LUZP2: variants seen among roughly 807,000 people sequenced by gnomAD.
LUZP2 encodes leucine zipper protein 2.
A neutral mutation model predicts 51.6 loss-of-function variants in LUZP2; 52 were observed. That is an observed-to-expected ratio of 1.01 (90% confidence interval 0.81 to 1.27). The LOEUF is 1.27. Ranked by LOEUF, LUZP2 falls within the 50% of genes most tolerant of loss-of-function variation. The pLI, the probability that LUZP2 is intolerant of heterozygous loss-of-function variation, is 0.00. For synonymous variants in LUZP2, 154 were observed against 137.3 expected (o/e 1.12, Z -0.85); for missense variants, 436 against 395.4 (o/e 1.10, Z -0.87).
intron 9 of LUZP2, among the ~76,000 whole-genome samples, chr11:25,032,309 C>A (rs1023262474): frequency 6.6e-6 from 1 of 152,122 alleles, no homozygotes; most frequent in South Asian, 2.1e-4. Flanking sequence ...TAAGTTGTTG[C>A]AGCAGCAGTA....
chr11:24,665,107 G>T (rs1018684009), intron 1 of LUZP2, among the ~76,000 whole-genome samples: 1 of 152,186 alleles, frequency 6.6e-6, no homozygotes, highest in Admixed American at 6.5e-5. Context: ...GGGCAGAGCT[G>T]CTCAAGACAG....
intron 3 of LUZP2, among the ~76,000 whole-genome samples, chr11:24,733,697 G>A (rs1858812196): frequency 6.6e-6 from 1 of 151,318 alleles, no homozygotes; most frequent in Non-Finnish European, 1.5e-5. Context: ...TAACTTAGAT[G>A]AAATTAGTAC....
In LUZP2 at chr11:24,905,253, C is replaced by T. The variant is rs112007340; in HGVS notation, c.397-738C>T. Among the ~76,000 whole-genome samples, 34 of 152,116 alleles carry T rather than the reference C, an allele frequency of 2.2e-4. 1 individual carries two copies. The highest frequency in any genetic ancestry group is 6.2e-4 in the South Asian group (3 of 4,804). ...AGAAACATCAGAGTAAGGCCAGGTG[C>T]GGTGGCTGATACCTGTAATCCCAGC... On this transcript the variant is annotated intron_variant, in intron 5 of 11. Coordinates refer to ENST00000336930, the MANE Select transcript of LUZP2 (RefSeq NM_001009909.4).
chr11:25,017,350 G>T (rs575875623), intron 9 of LUZP2, among the ~76,000 whole-genome samples: 21 of 152,102 alleles, frequency 1.4e-4, no homozygotes, highest in African/African-American at 4.8e-4. Flanking sequence ...TTACTACAAT[G>T]TCCAGAAGAG....
At chr11:24,661,173 C>T (rs1246058684) in intron 1 of LUZP2, among the ~76,000 whole-genome samples, 2 of 151,660 alleles carry the variant, frequency 1.3e-5, no homozygotes, top group Non-Finnish European at 2.9e-5. Flanking sequence ...TTTGAAACTT[C>T]ATGCTCTAAT....
At chr11:24,714,563 A>C (rs1467692563) in intron 1 of LUZP2, among the ~76,000 whole-genome samples, 1 of 152,154 alleles carries the variant, frequency 6.6e-6, no homozygotes, top group African/African-American at 2.4e-5. Context: ...TTTCAGAAAA[A>C]TGATAGTAAA....
intron 5 of LUZP2, among the ~76,000 whole-genome samples, chr11:24,823,456 CTT>C (rs1850423072): frequency 6.7e-6 from 1 of 150,144 alleles, no homozygotes; most frequent in African/African-American, 2.4e-5. Flanking sequence ...TAAATTTTGA[CTT>C]ATATTGAGTG....
At chr11:24,591,177 C>T (rs565703444) in intron 1 of LUZP2, among the ~76,000 whole-genome samples, 12 of 152,130 alleles carry the variant, frequency 7.9e-5, no homozygotes, top group Middle Eastern at 3.4e-3. Context: ...CATAATTGTC[C>T]GTGTTGCAAT....
chr11:24,702,128 C>G (rs950048614), intron 1 of LUZP2, among the ~76,000 whole-genome samples: 3 of 152,088 alleles, frequency 2.0e-5, no homozygotes, highest in African/African-American at 7.2e-5. Context: ...ATACACTATT[C>G]AATTGTGAAT....
At chr11:24,991,396 G>GATATATATATA (rs1856338892) in intron 9 of LUZP2, among the ~76,000 whole-genome samples, 1 of 124,964 alleles carries the variant, frequency 8.0e-6, no homozygotes, top group Non-Finnish European at 1.7e-5. Flanking sequence ...GTGTGTGTGT[G>GATATATATATA]TATATATATA....
At chr11:24,602,172 A>G (rs900191786) in intron 1 of LUZP2, among the ~76,000 whole-genome samples, 2 of 131,902 alleles carry the variant, frequency 1.5e-5, no homozygotes, top group African/African-American at 2.8e-5. Flanking sequence ...ATATGTGTAT[A>G]TATATGTGTA....
chr11:24,583,371 A>G (rs1852943338), intron 1 of LUZP2, among the ~76,000 whole-genome samples: 1 of 152,138 alleles, frequency 6.6e-6, no homozygotes, highest in Non-Finnish European at 1.5e-5. Flanking sequence ...CTTTTTACAC[A>G]GGGATCTGGA....
rs569218204 is a variant in LUZP2 at position 24,995,783 on chromosome 11, C to G, written c.765+12490C>G. ...AATGGTTATCAGCATGCTCTAAATT[C>G]AATTCACAATTGAAAGGTCAATGGT... On this transcript the variant is annotated intron_variant, in intron 9 of 11. Transcript: ENST00000336930. Among the ~76,000 whole-genome samples the G allele has an allele frequency of 3.7e-4, 56 of 151,946 alleles. 3 individuals are homozygous for G. In the South Asian group the frequency reaches 0.011, roughly 31 times the overall value.
chr11:24,796,586 A>G (rs1313909687), intron 5 of LUZP2, among the ~76,000 whole-genome samples: 1 of 150,596 alleles, frequency 6.6e-6, no homozygotes, highest in African/African-American at 2.4e-5. Flanking sequence ...AAAAAAAAGG[A>G]AAGTGAGAGA....
intron 1 of LUZP2, among the ~76,000 whole-genome samples, chr11:24,626,815 T>C (rs933450082): frequency 4.6e-5 from 7 of 152,166 alleles, no homozygotes; most frequent in African/African-American, 1.7e-4. Flanking sequence ...CATCATGAAA[T>C]TGAGAATCTG....
intron 5 of LUZP2, among the ~76,000 whole-genome samples, chr11:24,806,900 G>C (rs1431640619): frequency 6.7e-6 from 1 of 148,512 alleles, no homozygotes; most frequent in Non-Finnish European, 1.5e-5. Flanking sequence ...TTGGAGGATA[G>C]GGGATGACAA....
intron 5 of LUZP2, among the ~76,000 whole-genome samples, chr11:24,819,551 A>T (rs541433296): frequency 6.6e-6 from 1 of 152,108 alleles, no homozygotes; most frequent in Non-Finnish European, 1.5e-5. Context: ...GAGGTTTAAA[A>T]CTTTTCTGTT....
At chr11:24,995,098 T>G (rs1007000510) in intron 9 of LUZP2, among the ~76,000 whole-genome samples, 2 of 152,188 alleles carry the variant, frequency 1.3e-5, no homozygotes, top group Admixed American at 6.5e-5. Flanking sequence ...CTTTTAAAAA[T>G]GAATTACAGG....
intron 1 of LUZP2, among the ~76,000 whole-genome samples, chr11:24,660,076 GAC>G (rs1386593362): frequency 6.6e-6 from 1 of 152,086 alleles, no homozygotes; most frequent in African/African-American, 2.4e-5. Flanking sequence ...AAGCAGCAGA[GAC>G]ACTCTCCTGC....
Sources: allele counts gnomAD v4.1 joint callset (sites outside exome capture counted in the v4.1 genomes callset), GRCh38; gene constraint gnomAD v4.1.1; transcripts MANE v1.5; gene names NCBI Gene and HGNC (gene_info 2026-07-23, HGNC 2026-07-21).